LDHAL6A: variants seen among roughly 807,000 people sequenced by gnomAD.
The protein encoded by LDHAL6A is lactate dehydrogenase A like 6A.
A neutral mutation model predicts 28.2 loss-of-function variants in LDHAL6A; 19 were observed. That is an observed-to-expected ratio of 0.67 (90% confidence interval 0.47 to 0.99). The LOEUF (loss-of-function observed/expected upper bound fraction) is 0.99, where lower values mean the gene tolerates loss of function less well. Ranked by LOEUF, LDHAL6A falls within the 50% of genes least tolerant of loss-of-function variation. The pLI, the probability that LDHAL6A is intolerant of heterozygous loss-of-function variation, is 0.00. For missense variants in LDHAL6A, 372 were observed against 398.6 expected (o/e 0.93, Z 0.57); for synonymous variants, 144 against 134.4 (o/e 1.07, Z -0.49).
At chr11:18,477,507 AGTT>A in intron 5 of LDHAL6A, 110 bp from the exon 6 acceptor site, 4 of 907,502 alleles carry the variant, frequency 4.4e-6, no homozygotes, top group Non-Finnish European at 6.5e-6. Flanking sequence ...AATTTCTAGA[AGTT>A]GTTGATGGAG....
chr11:18,462,011 TGTG>T (rs1490866300), intron 1 of LDHAL6A, among the ~76,000 whole-genome samples: 2 of 148,362 alleles, frequency 1.3e-5, no homozygotes, highest in Non-Finnish European at 3.0e-5. Context: ...ATTAGCCAGA[TGTG>T]GTGGCAGGCT....
chr11:18,473,115 A>G (rs866676701), intron 3 of LDHAL6A, among the ~76,000 whole-genome samples: 5 of 152,174 alleles, frequency 3.3e-5, no homozygotes, highest in South Asian at 2.1e-4. Context: ...TGCAAATTCT[A>G]TACATAGAAC....
At chr11:18,470,619 G>T (rs1260051224) in intron 3 of LDHAL6A, among the ~76,000 whole-genome samples, 1 of 151,890 alleles carries the variant, frequency 6.6e-6, no homozygotes, top group Admixed American at 6.6e-5. Context: ...TAGTTATGAT[G>T]ATTGTGGTGC....
intron 6 of LDHAL6A, among the ~76,000 whole-genome samples, 198 bp downstream of exon 6, chr11:18,477,941 T>C (rs1849431723): frequency 6.6e-6 from 1 of 152,182 alleles, no homozygotes; most frequent in Non-Finnish European, 1.5e-5. Context: ...TAGTGTGACA[T>C]TTCTTTTTAT....
At chr11:18,473,781 A>G (rs1849303210) in intron 3 of LDHAL6A, among the ~76,000 whole-genome samples, 1 of 152,216 alleles carries the variant, frequency 6.6e-6, no homozygotes, top group Admixed American at 6.5e-5. Flanking sequence ...AAACAGAAAC[A>G]GTGATAGTGG....
chr11:18,467,193 C>CAGTG (rs1415533641), intron 3 of LDHAL6A, among the ~76,000 whole-genome samples: 5 of 152,286 alleles, frequency 3.3e-5, no homozygotes, highest in African/African-American at 1.2e-4. Flanking sequence ...TGCAGACCAA[C>CAGTG]AGTGAGTGCA....
At position 18,465,001 on chromosome 11, in the gene LDHAL6A, T is replaced by TTTTTTTTTTTTTTTTTTTTG. The variant is rs1849025165; in HGVS notation, c.245-636_245-635insTTTTTTTTTTTTTTTTTTTG. Among the ~76,000 whole-genome samples, 42 of 144,458 alleles carry TTTTTTTTTTTTTTTTTTTTG rather than the reference T, an allele frequency of 2.9e-4. 2 individuals carry two copies. The highest frequency in any genetic ancestry group is 1.1e-3 in the African/African-American group (39 of 37,090). 94.8% of individuals were successfully genotyped at this position (144,458 alleles called of 152,430 possible). ...TGTTTTTTTTTGTTTTGTTTTGTTT[T>TTTTTTTTTTTTTTTTTTTTG]GGTTTGTTTTTGAGACAGTGTCTTG... On this transcript the variant is annotated intron_variant, in intron 2 of 6. Coordinates refer to ENST00000280706, the MANE Select transcript of LDHAL6A (RefSeq NM_144972.5).
intron 6 of LDHAL6A, among the ~76,000 whole-genome samples, 194 bp from the exon 7 acceptor site, chr11:18,478,512 A>C (rs980777391): frequency 1.3e-5 from 2 of 152,070 alleles, no homozygotes; most frequent in Non-Finnish European, 2.9e-5. Flanking sequence ...GTGAGCCGAG[A>C]TCGTGCCACT....
At chr11:18,464,977 G>GTGTTTTTTTTTTTTTTTTTTTTTTTTT (rs1849013557) in intron 2 of LDHAL6A, among the ~76,000 whole-genome samples, 1 of 125,488 alleles carries the variant, frequency 8.0e-6, no homozygotes, top group African/African-American at 3.4e-5. Flanking sequence ...TGTTTTTTTT[G>GTGTTTTTTTTTTTTTTTTTTTTTTTTT]TTTTTTTTTG....
chr11:18,464,136 A>C, intron 2 of LDHAL6A, 58 bp downstream of exon 2: 1 of 1,196,584 alleles, frequency 8.4e-7, no homozygotes, highest in South Asian at 1.2e-5. Context: ...AGTATCTAAG[A>C]AAATCATCTT....
intron 3 of LDHAL6A, chr11:18,468,979 G>A: frequency 2.6e-6 from 1 of 388,314 alleles, no homozygotes; most frequent in Non-Finnish European, 4.5e-6. Context: ...ATTCAGAAAT[G>A]GTAGTCCGGC....
At chr11:18,459,940 A>T (rs553152042) in intron 1 of LDHAL6A, among the ~76,000 whole-genome samples, 1 of 152,032 alleles carries the variant, frequency 6.6e-6, no homozygotes, top group South Asian at 2.1e-4. Context: ...GGTTTTGGGG[A>T]GGAAGACATA....
At position 18,475,484 on chromosome 11, in the gene LDHAL6A, T is replaced by C; in HGVS notation, c.437T>C (p.Val146Ala). Reference sequence around the variant, plus strand: ...TTCTTAGTGGATATCTTAACTTATGTAGCCTGGAAGTTGAGTGGATTTCCC... The same window carrying C: ...TTCTTAGTGGATATCTTAACTTATGCAGCCTGGAAGTTGAGTGGATTTCCC... ...VTNPVDILTY[V>A]AWKLSGFPKN... Residue 146 changes from valine to alanine, a missense_variant, in exon 4 of 7, where the codon GTA (valine) becomes GCA (alanine). Physicochemically the swap from Val to Ala is moderately conservative, Grantham distance 64. This residue lies in a region of LDHAL6A where 291 missense variants were observed against 302.9 expected (regional missense o/e 0.96). Coordinates refer to ENST00000280706, the MANE Select transcript of LDHAL6A (RefSeq NM_144972.5). 6.2e-7 allele frequency: 1 copy of C among 1,613,646 alleles called. No homozygotes were observed. Among genetic ancestry groups the C allele is most frequent in the South Asian group, 1.1e-5 (1 of 91,032 alleles).
intron 3 of LDHAL6A, among the ~76,000 whole-genome samples, chr11:18,472,028 G>A (rs1312246045): frequency 1.3e-5 from 2 of 152,078 alleles, no homozygotes; most frequent in African/African-American, 4.8e-5. Flanking sequence ...TTTAGGAAAA[G>A]TTTAACCTTT....
chr11:18,469,049 G>A (rs1029380356), intron 3 of LDHAL6A: 16 of 440,854 alleles, frequency 3.6e-5, no homozygotes, highest in Non-Finnish European at 5.6e-5. Flanking sequence ...TTGTACAATA[G>A]TATTTTATAT....
chr11:18,461,851 C>CAAAA (rs1181963432), intron 1 of LDHAL6A, among the ~76,000 whole-genome samples: 6 of 98,196 alleles, frequency 6.1e-5, no homozygotes, highest in Admixed American at 2.2e-4. Context: ...GATTCCGTCT[C>CAAAA]AAAAAAAAGA....
chr11:18,461,591 C>T (rs1357981325), intron 1 of LDHAL6A, among the ~76,000 whole-genome samples: 2 of 151,970 alleles, frequency 1.3e-5, no homozygotes, highest in Non-Finnish European at 2.9e-5. Context: ...TGGCTCAAGC[C>T]TGTAATCCCA....
chr11:18,476,305 TA>T, intron 4 of LDHAL6A, 78 bp from the exon 5 acceptor site: 1 of 1,504,552 alleles, frequency 6.6e-7, no homozygotes, highest in Non-Finnish European at 8.9e-7. Context: ...AGGGCAATTA[TA>T]ACAGTTTTGC....
chr11:18,461,337 G>C (rs1277493777), intron 1 of LDHAL6A, among the ~76,000 whole-genome samples: 1 of 144,220 alleles, frequency 6.9e-6, no homozygotes. Context: ...TAGAGACAGG[G>C]TTTCACCATA....
Sources: gnomAD v4.1 joint callset for allele counts (sites outside exome capture counted in the v4.1 genomes callset) on GRCh38, gnomAD v4.1.1 for gene constraint, gnomAD v4.1.1 regional missense constraint, MANE v1.5 for transcripts, NCBI Gene and HGNC (gene_info 2026-07-23, HGNC 2026-07-21) for gene names.